Variants in RANBP17 observed in about 807,000 individuals in gnomAD.
The protein encoded by RANBP17 is ran-binding protein 17.
Under a neutral mutation model 141.2 loss-of-function variants are expected in RANBP17, and 158 were observed. The observed-to-expected ratio is 1.12, with a 90% CI of 0.98 to 1.28. The LOEUF (loss-of-function observed/expected upper bound fraction) is 1.28, where lower values mean the gene tolerates loss of function less well. RANBP17 is among the 50% of genes most tolerant of loss of function. The pLI is 0.00. For synonymous variants in RANBP17, 430 were observed against 450.0 expected (o/e 0.96, Z 0.56); for missense variants, 1,438 against 1,290.7 (o/e 1.11, Z -1.75).
intron 14 of RANBP17, among the ~76,000 whole-genome samples, chr5:171,102,170 A>G (rs1272397036): frequency 6.6e-6 from 1 of 152,086 alleles, no homozygotes; most frequent in Admixed American, 6.6e-5. Flanking sequence ...TCTCCTGGAT[A>G]ATATCCTGAA....
chr5:170,882,084 G>A (rs938330283), intron 3 of RANBP17, among the ~76,000 whole-genome samples, 188 bp downstream of exon 3: 1 of 152,032 alleles, frequency 6.6e-6, no homozygotes, highest in Non-Finnish European at 1.5e-5. Context: ...AATCAAAAAA[G>A]CATTTTTTTT....
At chr5:170,947,411 G>T (rs747061253) in intron 12 of RANBP17, among the ~76,000 whole-genome samples, 9 of 152,026 alleles carry the variant, frequency 5.9e-5, no homozygotes, top group Non-Finnish European at 1.2e-4. Context: ...GAATACACAG[G>T]TAACATAAAA....
At chr5:170,995,623 T>G (rs1198398156) in intron 14 of RANBP17, among the ~76,000 whole-genome samples, 1 of 152,170 alleles carries the variant, frequency 6.6e-6, no homozygotes, top group Non-Finnish European at 1.5e-5. Context: ...TACAGCCATA[T>G]GATGAAATAT....
At chr5:170,874,478 G>A (rs1768001913) in intron 1 of RANBP17, among the ~76,000 whole-genome samples, 1 of 152,100 alleles carries the variant, frequency 6.6e-6, no homozygotes, top group African/African-American at 2.4e-5. Context: ...CCCTTTGTAG[G>A]TCTCTCGGAA....
At chr5:171,075,547 G>A (rs1175657393) in intron 14 of RANBP17, among the ~76,000 whole-genome samples, 2 of 152,158 alleles carry the variant, frequency 1.3e-5, no homozygotes, top group Non-Finnish European at 2.9e-5. Flanking sequence ...ATACAGGGAG[G>A]CTTGGAGAAT....
chr5:171,208,965 CT>C (rs775275066), intron 20 of RANBP17, among the ~76,000 whole-genome samples: 5 of 152,136 alleles, frequency 3.3e-5, no homozygotes, highest in Non-Finnish European at 5.9e-5. Context: ...GCAAAGTGGG[CT>C]AAGGGCTGTG....
chr5:171,055,902 A>AC (rs1306776765), intron 14 of RANBP17, among the ~76,000 whole-genome samples: 1 of 151,516 alleles, frequency 6.6e-6, no homozygotes, highest in African/African-American at 2.4e-5. Context: ...AAAAACAAAA[A>AC]AAAAAACATT....
At chr5:171,083,537 A>G (rs1362977238) in intron 14 of RANBP17, among the ~76,000 whole-genome samples, 2 of 152,220 alleles carry the variant, frequency 1.3e-5, no homozygotes, top group Non-Finnish European at 2.9e-5. Flanking sequence ...ACCCTTGAAC[A>G]ACACAAGTTT....
At chr5:170,947,807 G>A (rs1774882008) in intron 12 of RANBP17, among the ~76,000 whole-genome samples, 1 of 152,120 alleles carries the variant, frequency 6.6e-6, no homozygotes, top group Admixed American at 6.6e-5. Flanking sequence ...AGGGTATATG[G>A]TCTTCTTAAA....
chr5:171,076,001 A>C (rs949240957), intron 14 of RANBP17, among the ~76,000 whole-genome samples: 1 of 152,192 alleles, frequency 6.6e-6, no homozygotes, highest in Non-Finnish European at 1.5e-5. Flanking sequence ...CTTATATGGT[A>C]TGTGGATTAT....
chr5:171,280,513 G>A (rs1767789453), intron 25 of RANBP17, among the ~76,000 whole-genome samples: 1 of 152,064 alleles, frequency 6.6e-6, no homozygotes, highest in Non-Finnish European at 1.5e-5. Flanking sequence ...CTCCTGAGCT[G>A]AAGTGATCCA....
intron 12 of RANBP17, among the ~76,000 whole-genome samples, chr5:170,942,744 G>A (rs1316290738): frequency 6.6e-6 from 1 of 152,078 alleles, no homozygotes; most frequent in African/African-American, 2.4e-5. Context: ...CACTTCATAT[G>A]CGTTACATAT....
intron 24 of RANBP17, among the ~76,000 whole-genome samples, chr5:171,263,703 C>T (rs1561811543): frequency 2.0e-5 from 3 of 152,176 alleles, no homozygotes; most frequent in Admixed American, 6.5e-5. Flanking sequence ...TGAATATACC[C>T]TTCTCTTTTT....
At chr5:170,901,928 A>G (rs1770674836) in intron 5 of RANBP17, among the ~76,000 whole-genome samples, 1 of 152,142 alleles carries the variant, frequency 6.6e-6, no homozygotes, top group Admixed American at 6.5e-5. Context: ...GGGTAACCCA[A>G]CCTTTCTCTC....
intron 22 of RANBP17, among the ~76,000 whole-genome samples, chr5:171,236,460 G>C (rs542847741): frequency 6.6e-6 from 1 of 152,244 alleles, no homozygotes; most frequent in South Asian, 2.1e-4. Flanking sequence ...ATCCCCTGCA[G>C]CTAATTCTCT....
chr5:171,125,319 A>G (rs1461948469), intron 14 of RANBP17, among the ~76,000 whole-genome samples: 1 of 148,362 alleles, frequency 6.7e-6, no homozygotes, highest in Admixed American at 6.7e-5. Context: ...AAAAAAAGAA[A>G]GTGAAGGGAT....
At chr5:171,185,091 A>G (rs1313181379) in intron 18 of RANBP17, among the ~76,000 whole-genome samples, 1 of 152,164 alleles carries the variant, frequency 6.6e-6, no homozygotes, top group Non-Finnish European at 1.5e-5. Context: ...TGAACCCAGG[A>G]GGTAGAGGTT....
intron 14 of RANBP17, among the ~76,000 whole-genome samples, chr5:170,977,829 T>C (rs1777489037): frequency 6.6e-6 from 1 of 152,004 alleles, no homozygotes; most frequent in East Asian, 1.9e-4. Flanking sequence ...ATTGGGTGCC[T>C]AGGGCTGGGG....
At chr5:171,226,249 G>A (rs1430665899) in intron 22 of RANBP17, among the ~76,000 whole-genome samples, 1 of 152,042 alleles carries the variant, frequency 6.6e-6, no homozygotes, top group Non-Finnish European at 1.5e-5. Flanking sequence ...ATTTCCATTT[G>A]TCTAATCTTT....
Sources: gnomAD v4.1 joint callset for allele counts (sites outside exome capture counted in the v4.1 genomes callset) on GRCh38, gnomAD v4.1.1 for gene constraint, MANE v1.5 for transcripts, NCBI Gene and HGNC (gene_info 2026-07-23, HGNC 2026-07-21) for gene names.